The following GREB1L variants were observed in gnomAD, a reference collection of about 807,000 sequenced individuals.
GREB1L encodes the protein GREB1 like retinoic acid receptor coactivator, also known as GREB1-like protein.
Under a neutral mutation model 200.8 loss-of-function variants are expected in GREB1L, and 17 were observed. The ratio of observed to expected loss-of-function variants is 0.08; its 90% CI spans 0.06 to 0.13. The LOEUF is 0.13. Ranked by LOEUF, GREB1L falls within the 10% of genes least tolerant of loss-of-function variation. The probability of loss-of-function intolerance (pLI) is 1.00; values close to 1 mark genes in which losing one functional copy is unlikely to be tolerated. For missense variants in GREB1L, 1,657 were observed against 2,367.7 expected (o/e 0.70, Z 6.23); for synonymous variants, 789 against 893.0 (o/e 0.88, Z 2.08).
Position 21,505,578 on chromosome 18 carries a change from T to A in GREB1L, c.4228+11T>A. ...CAGGGGTCAAACAAGGTCAGTGCAA[T>A]CAGCCAAGTTCACCTCCTCTCTGGG... On this transcript the variant is annotated intron_variant, in intron 24 of 32. Transcript: ENST00000424526. The A allele has an allele frequency of 6.4e-7, 1 of 1,551,064 alleles. No homozygotes were observed. Among genetic ancestry groups the A allele is most frequent in the Non-Finnish European group, 8.7e-7 (1 of 1,146,528 alleles).
At chr18:21,379,290 T>C (rs1252477047) in intron 2 of GREB1L, among the ~76,000 whole-genome samples, 3 of 152,158 alleles carry the variant, frequency 2.0e-5, no homozygotes, top group African/African-American at 4.8e-5. Context: ...CACCACAACC[T>C]CCGCCTCCCG....
chr18:21,425,731 T>C (rs2032513774), intron 7 of GREB1L, among the ~76,000 whole-genome samples: 1 of 152,196 alleles, frequency 6.6e-6, no homozygotes, highest in Non-Finnish European at 1.5e-5. Flanking sequence ...ATTTTTCAGT[T>C]GGGTTGACTC....
chr18:21,498,094 T>C (rs2036624722), intron 21 of GREB1L, among the ~76,000 whole-genome samples: 1 of 152,082 alleles, frequency 6.6e-6, no homozygotes, highest in Non-Finnish European at 1.5e-5. Flanking sequence ...AGTGCTGGGA[T>C]TACAGACGTG....
intron 1 of GREB1L, among the ~76,000 whole-genome samples, chr18:21,265,926 C>T (rs1442378311): frequency 1.3e-5 from 2 of 152,074 alleles, no homozygotes; most frequent in Non-Finnish European, 2.9e-5. Flanking sequence ...TAAGATCTGG[C>T]TTAATTTTCT....
At chr18:21,252,557 G>GAA (rs144115588) in intron 1 of GREB1L, among the ~76,000 whole-genome samples, 7,268 of 77,254 alleles carry the variant, frequency 0.094, 438 homozygotes, top group Admixed American at 0.18. Context: ...AACTCCATCT[G>GAA]AAAAAAAAAA....
chr18:21,482,430 T>C (rs2035956042), intron 17 of GREB1L, among the ~76,000 whole-genome samples: 2 of 152,082 alleles, frequency 1.3e-5, no homozygotes, highest in South Asian at 4.1e-4. Context: ...GCTAATTTTT[T>C]ATATTTTCAA....
At chr18:21,393,166 A>C (rs2040897912) in intron 4 of GREB1L, among the ~76,000 whole-genome samples, 1 of 152,200 alleles carries the variant, frequency 6.6e-6, no homozygotes, top group African/African-American at 2.4e-5. Context: ...AAATCATAAC[A>C]TGAATTGATG....
chr18:21,273,749 A>C (rs150909359), intron 1 of GREB1L, among the ~76,000 whole-genome samples: 1,889 of 152,282 alleles, frequency 0.012, 99 homozygotes, highest in Admixed American at 0.099. Flanking sequence ...AGAATGTTTG[A>C]AGGTGCTAAG....
chr18:21,486,572 T>C (rs2036137526), intron 18 of GREB1L, among the ~76,000 whole-genome samples: 1 of 152,006 alleles, frequency 6.6e-6, no homozygotes, highest in Admixed American at 6.6e-5. Context: ...TTCTTGGGGC[T>C]CCTCCTCCAG....
At chr18:21,308,767 G>C (rs966174776) in intron 1 of GREB1L, among the ~76,000 whole-genome samples, 2 of 152,190 alleles carry the variant, frequency 1.3e-5, no homozygotes, top group Non-Finnish European at 2.9e-5. Flanking sequence ...CCTGATTTCT[G>C]TGTCCCTACA....
chr18:21,272,750 G>A (rs946005575), intron 1 of GREB1L, among the ~76,000 whole-genome samples: 1 of 152,110 alleles, frequency 6.6e-6, no homozygotes, highest in Non-Finnish European at 1.5e-5. Flanking sequence ...TGAAGACTAT[G>A]TACAGTTCAT....
intron 7 of GREB1L, among the ~76,000 whole-genome samples, chr18:21,408,789 C>A: frequency 1.6e-5 from 2 of 127,250 alleles, no homozygotes; most frequent in African/African-American, 2.9e-5. Flanking sequence ...AGAGAAATTC[C>A]ATCTCAAAAA....
chr18:21,520,705 C>A lies in GREB1L; in HGVS notation c.5490C>A (p.Ile1830=), dbSNP rs748280597. 6.4e-7 allele frequency: 1 copy of A among 1,551,606 alleles called. No individual in the cohort carries two copies. Among genetic ancestry groups the A allele is most frequent in the East Asian group, 2.4e-5 (1 of 40,922 alleles). The change falls in exon 32 of 33, where the codon ATC becomes ATA. Residue 1830 remains isoleucine, a synonymous_variant. Transcript: ENST00000424526. ...GATTTCAGGTGGCCATATGCTATATCAGCTCCAGACCCCACTCCAGCAATG... is the reference window on the plus strand; with the variant it reads ...GATTTCAGGTGGCCATATGCTATATAAGCTCCAGACCCCACTCCAGCAATG... ...NIGPEVAICY[I]SSRPHSSNVN...
chr18:21,346,262 C>T (rs1373338172), intron 1 of GREB1L, among the ~76,000 whole-genome samples: 1 of 152,088 alleles, frequency 6.6e-6, no homozygotes. Flanking sequence ...CCCACACAGG[C>T]TATCATGACC....
chr18:21,320,412 T>C (rs898443360), intron 1 of GREB1L, among the ~76,000 whole-genome samples: 11 of 152,094 alleles, frequency 7.2e-5, no homozygotes, highest in Non-Finnish European at 1.5e-4. Context: ...TCAGGGACTA[T>C]ATGGCAAGTC....
chr18:21,456,735 A>G (rs1369626515), intron 15 of GREB1L, among the ~76,000 whole-genome samples: 1 of 152,286 alleles, frequency 6.6e-6, no homozygotes, highest in South Asian at 2.1e-4. Flanking sequence ...GAAAAGGTCA[A>G]ATGCCTTCTC....
rs992956846 is a variant in GREB1L at position 21,403,827 on chromosome 18, A to G, written c.710-45A>G. The G allele has an allele frequency of 4.6e-6, 7 of 1,521,278 alleles. No individual in the cohort carries two copies. The African/African-American group carries it at 5.5e-5, about 12-fold the overall frequency. The allele number at this position is 1,521,278 out of a possible 1,614,324, so 94.2% of individuals were successfully genotyped here. A position where few individuals can be genotyped will look rare whatever the true frequency, so the allele number is the denominator to read the frequency against. On this transcript the variant is annotated intron_variant, in intron 6 of 32. Coordinates refer to ENST00000424526, the MANE Select transcript of GREB1L (RefSeq NM_001142966.3). ...TTGCGTCCCCATCACCTGTTTTAAC[A>G]GAACATTGGTCACTTCATACAATGT...
chr18:21,279,237 T>C (rs2038226342), intron 1 of GREB1L, among the ~76,000 whole-genome samples: 1 of 152,120 alleles, frequency 6.6e-6, no homozygotes, highest in Admixed American at 6.5e-5. Flanking sequence ...TTTTCATAAT[T>C]GTAATTATAT....
chr18:21,379,551 G>T (rs1391187349), intron 2 of GREB1L, among the ~76,000 whole-genome samples: 2 of 152,206 alleles, frequency 1.3e-5, no homozygotes, highest in African/African-American at 4.8e-5. Context: ...TGTTGGAGTG[G>T]TAATAGATTA....
Sources: gnomAD v4.1 joint callset for allele counts (sites outside exome capture counted in the v4.1 genomes callset) on GRCh38, gnomAD v4.1.1 for gene constraint, MANE v1.5 for transcripts, NCBI Gene and HGNC (gene_info 2026-07-23, HGNC 2026-07-21) for gene names.